TLK1: variants seen among roughly 807,000 people sequenced by gnomAD.
TLK1 encodes the protein tousled like kinase 1, also known as serine/threonine-protein kinase tousled-like 1.
In TLK1, 24 loss-of-function variants were observed where a neutral mutation model predicts 105.3. That is an observed-to-expected ratio of 0.23 (90% CI 0.17 to 0.32). The LOEUF (loss-of-function observed/expected upper bound fraction) is 0.32. Ranked by LOEUF, TLK1 falls within the 10% of genes least tolerant of loss-of-function variation. The pLI is 1.00. For missense variants in TLK1, 558 were observed against 910.5 expected (o/e 0.61, Z 4.98); for synonymous variants, 321 against 310.4 (o/e 1.03, Z -0.36).
chr2:171,025,787 C>T (rs1220583244), intron 12 of TLK1, among the ~76,000 whole-genome samples: 1 of 152,166 alleles, frequency 6.6e-6, no homozygotes, highest in African/African-American at 2.4e-5. Flanking sequence ...TATTTTTATA[C>T]ATGTAACTTA....
chr2:171,049,110 G>T (rs1687105250), intron 10 of TLK1, among the ~76,000 whole-genome samples: 1 of 152,116 alleles, frequency 6.6e-6, no homozygotes, highest in African/African-American at 2.4e-5. Flanking sequence ...GAGAATGATA[G>T]AAACTGGGGG....
At chr2:171,094,349 G>T (rs916469211) in intron 2 of TLK1, among the ~76,000 whole-genome samples, 1 of 151,534 alleles carries the variant, frequency 6.6e-6, no homozygotes, top group African/African-American at 2.4e-5. Context: ...CATATCTAGG[G>T]GATCTACTAT....
intron 1 of TLK1, among the ~76,000 whole-genome samples, chr2:171,178,320 G>A (rs1194836117): frequency 6.6e-6 from 1 of 152,206 alleles, no homozygotes; most frequent in Non-Finnish European, 1.5e-5. Flanking sequence ...TTGAGGCCAA[G>A]TCTGTGCTCT....
chr2:171,130,746 C>T (rs771358006), intron 1 of TLK1, among the ~76,000 whole-genome samples: 2 of 152,092 alleles, frequency 1.3e-5, no homozygotes, highest in Non-Finnish European at 2.9e-5. Flanking sequence ...GGCTAGCCTA[C>T]GTAGGATAGG....
At chr2:171,132,254 C>T (rs1054803149) in intron 1 of TLK1, among the ~76,000 whole-genome samples, 1 of 152,316 alleles carries the variant, frequency 6.6e-6, no homozygotes, top group Middle Eastern at 3.4e-3. Context: ...ACCATTACAT[C>T]TTGTGAGAAC....
At chr2:171,159,921 G>A in intron 1 of TLK1, 1 of 183,112 alleles carries the variant, frequency 5.5e-6, no homozygotes, top group Non-Finnish European at 1.1e-5. Flanking sequence ...AGAGACCGGA[G>A]GCCAGGAGGT....
At chr2:171,161,082 C>T (rs1012063462), upstream of TLK1, among the ~76,000 whole-genome samples, 2 of 148,230 alleles carry the variant, frequency 1.3e-5, no homozygotes, top group Non-Finnish European at 3.0e-5. Flanking sequence ...AGGGAAGAGA[C>T]TAGAGCGCCG....
At chr2:171,054,892 ATAGT>A in intron 7 of TLK1, 187 bp downstream of exon 7, 1 of 371,520 alleles carries the variant, frequency 2.7e-6, no homozygotes. Context: ...TAAAAAGCTG[ATAGT>A]AAATTGTGTG....
chr2:171,183,632 T>C (rs1692968383), intron 1 of TLK1, among the ~76,000 whole-genome samples: 1 of 152,206 alleles, frequency 6.6e-6, no homozygotes, highest in Non-Finnish European at 1.5e-5. Flanking sequence ...TTTGTAACTT[T>C]TTGCTTGTCT....
intron 2 of TLK1, among the ~76,000 whole-genome samples, chr2:171,099,222 A>G (rs964016352): frequency 6.6e-6 from 1 of 152,236 alleles, no homozygotes; most frequent in African/African-American, 2.4e-5. Flanking sequence ...AACAGCAAAG[A>G]GCAATGTGAA....
chr2:171,222,576 C>A (rs1449904601), intron 1 of TLK1, among the ~76,000 whole-genome samples: 1 of 152,072 alleles, frequency 6.6e-6, no homozygotes, highest in Non-Finnish European at 1.5e-5. Flanking sequence ...AAGTGATCCA[C>A]CCCCCTCTGC....
intron 4 of TLK1, among the ~76,000 whole-genome samples, chr2:171,059,499 T>C (rs1457938822): frequency 6.6e-6 from 1 of 152,198 alleles, no homozygotes; most frequent in Non-Finnish European, 1.5e-5. Context: ...AGAACTTAAT[T>C]CCATTTCCAG....
rs1687731258 is a variant in TLK1 at position 171,061,172 on chromosome 2, TAA to T, written c.331-18_331-17del. 6 of 1,611,270 alleles carry T rather than the reference TAA, an allele frequency of 3.7e-6. No homozygotes were observed. The East Asian group carries it at 1.3e-4, about 36-fold the overall frequency. On this transcript the variant is annotated splice_polypyrimidine_tract_variant and intron_variant, in intron 3 of 20. Coordinates refer to ENST00000431350, the MANE Select transcript of TLK1 (RefSeq NM_012290.5). ...TCTCCGGTGTCTACAGAAAACAAGA[TAA>T]CAGATTTTTAAATGACAGTTTTAAT... is the stretch of plus-strand genomic sequence containing the variant.
Position 171,006,782 on chromosome 2 carries a change from A to C in TLK1, c.1598+18T>G. 1 of 1,606,176 alleles carries C rather than the reference A, an allele frequency of 6.2e-7. No homozygotes were observed. The highest frequency in any genetic ancestry group is 1.1e-5 in the South Asian group (1 of 90,864). ...AAGCATATCTTTCCTTAAAAATTGA[A>C]CCTTAATATTCACTTACGTATCTGT... On this transcript the variant is annotated intron_variant, in intron 16 of 20. Transcript: ENST00000431350.
intron 1 of TLK1, among the ~76,000 whole-genome samples, chr2:171,215,317 A>T (rs1693692742): frequency 1.3e-5 from 1 of 75,926 alleles, no homozygotes; most frequent in Non-Finnish European, 2.4e-5. Flanking sequence ...ATTCAGTTTC[A>T]TAGGAAAGAG....
Position 171,006,454 on chromosome 2 carries a change from T to C in TLK1, c.1768+20A>G. On this transcript the variant is annotated intron_variant, in intron 17 of 20. Transcript: ENST00000431350. ...AACTATACTCAAGTTTAAAAAAAAT[T>C]AGACAAATTTCATAATTACCTGGCT... The C allele has an allele frequency of 6.4e-7, 1 of 1,551,178 alleles. No individual in the cohort carries two copies. Among genetic ancestry groups the C allele is most frequent in the Non-Finnish European group, 8.7e-7 (1 of 1,153,800 alleles).
chr2:171,061,040 A>C (rs1687725583), intron 4 of TLK1, 41 bp downstream of exon 4: 1 of 1,544,468 alleles, frequency 6.5e-7, no homozygotes, highest in South Asian at 1.2e-5. Context: ...AATTAATTTT[A>C]AGTGTCCACT....
intron 1 of TLK1, among the ~76,000 whole-genome samples, chr2:171,210,731 C>T (rs926417133): frequency 3.3e-5 from 5 of 152,126 alleles, no homozygotes; most frequent in African/African-American, 1.2e-4. Context: ...CACCTAGAGA[C>T]TAAACTAAAC....
intron 8 of TLK1, among the ~76,000 whole-genome samples, chr2:171,052,213 T>C (rs540879369): frequency 6.6e-6 from 1 of 151,936 alleles, no homozygotes; most frequent in South Asian, 2.1e-4. Flanking sequence ...TGAGCTATGA[T>C]CCCCCACTGT....
Sources: gnomAD v4.1 joint callset for allele counts (sites outside exome capture counted in the v4.1 genomes callset) on GRCh38, gnomAD v4.1.1 for gene constraint, MANE v1.5 for transcripts, NCBI Gene and HGNC (gene_info 2026-07-23, HGNC 2026-07-21) for gene names.